The following FER variants were observed in gnomAD, a reference collection of about 807,000 sequenced individuals.
FER encodes the protein FER tyrosine kinase, also known as tyrosine-protein kinase Fer.
In FER, 63 loss-of-function variants were observed where a neutral mutation model predicts 111.0. The ratio of observed to expected loss-of-function variants is 0.57; its 90% CI spans 0.46 to 0.70. The LOEUF (loss-of-function observed/expected upper bound fraction) is 0.70, where lower values mean the gene tolerates loss of function less well. Ranked by LOEUF, FER falls within the 30% of genes least tolerant of loss-of-function variation. The pLI is 0.00. For missense variants in FER, 914 were observed against 954.0 expected (o/e 0.96, Z 0.55); for synonymous variants, 327 against 313.9 (o/e 1.04, Z -0.44).
intron 5 of FER, among the ~76,000 whole-genome samples, chr5:108,845,037 TATAC>T (rs1561503193): frequency 3.3e-4 from 18 of 54,208 alleles, no homozygotes; most frequent in Admixed American, 4.8e-4. Context: ...TATATATATA[TATAC>T]ATATATATAT....
intron 1 of FER, among the ~76,000 whole-genome samples, chr5:108,754,752 G>T (rs1035567046): frequency 6.6e-6 from 1 of 152,116 alleles, no homozygotes; most frequent in Non-Finnish European, 1.5e-5. Flanking sequence ...TTGCAAAAAG[G>T]CTATTTCTAT....
intron 17 of FER, among the ~76,000 whole-genome samples, chr5:109,156,883 G>A (rs1284712832): frequency 1.3e-5 from 2 of 152,162 alleles, no homozygotes; most frequent in Non-Finnish European, 2.9e-5. Flanking sequence ...GGCCAAGAAA[G>A]GAGGTGAAGT....
At chr5:108,756,273 T>C (rs1409997972) in intron 1 of FER, among the ~76,000 whole-genome samples, 6 of 152,052 alleles carry the variant, frequency 3.9e-5, no homozygotes, top group African/African-American at 1.4e-4. Flanking sequence ...TACGTTCTTA[T>C]ATAGGTTAAC....
intron 14 of FER, among the ~76,000 whole-genome samples, chr5:109,042,509 A>C (rs1247627434): frequency 6.6e-6 from 1 of 152,124 alleles, no homozygotes; most frequent in Non-Finnish European, 1.5e-5. Context: ...TCAGTGTCTG[A>C]AGACTGTCCC....
intron 16 of FER, among the ~76,000 whole-genome samples, chr5:109,072,505 GA>G: frequency 6.6e-6 from 1 of 151,768 alleles, no homozygotes; most frequent in Non-Finnish European, 1.5e-5. Context: ...TTGTTACAAC[GA>G]AAAATAAATG....
At chr5:109,067,624 T>C (rs1775269288) in intron 16 of FER, among the ~76,000 whole-genome samples, 2 of 152,156 alleles carry the variant, frequency 1.3e-5, no homozygotes, top group East Asian at 1.9e-4. Flanking sequence ...TATCTGTTCC[T>C]CCTTGATAAT....
chr5:108,948,216 A>T (rs535280457), intron 11 of FER, among the ~76,000 whole-genome samples: 1 of 152,090 alleles, frequency 6.6e-6, no homozygotes, highest in Non-Finnish European at 1.5e-5. Flanking sequence ...TTTTAACAGT[A>T]TCTTTAAAAT....
chr5:108,915,387 G>A (rs1386191214), intron 10 of FER, among the ~76,000 whole-genome samples: 5 of 152,062 alleles, frequency 3.3e-5, no homozygotes, highest in South Asian at 2.1e-4. Flanking sequence ...CAGGAGAAAC[G>A]CTTGAACCCA....
chr5:108,805,421 TG>T (rs796137917), intron 3 of FER, among the ~76,000 whole-genome samples: 27 of 151,978 alleles, frequency 1.8e-4, no homozygotes, highest in African/African-American at 5.6e-4. Flanking sequence ...ACCAGTAGAG[TG>T]GGGCGTTGCT....
intron 3 of FER, among the ~76,000 whole-genome samples, chr5:108,832,441 A>T (rs4361568): frequency 6.6e-6 from 1 of 152,000 alleles, no homozygotes; most frequent in East Asian, 1.9e-4. Flanking sequence ...CATTAGAATC[A>T]TGTGGCAGAG....
In FER at chr5:109,047,093, A is replaced by G. The variant is rs113469960; in HGVS notation, c.1830-11A>G. On this transcript the variant is annotated splice_polypyrimidine_tract_variant and intron_variant, in intron 15 of 19. Coordinates refer to ENST00000281092, the MANE Select transcript of FER (RefSeq NM_005246.4). The stretch of plus-strand genomic sequence containing the variant: ...AAATGATAACTATTCGTATATTTTC[A>G]TCTCATCTAGAATTCTCAAGCAATA... 1.4e-6 allele frequency: 2 copies of G among 1,419,452 alleles called. No individual in the cohort carries two copies. Among genetic ancestry groups the G allele is most frequent in the Non-Finnish European group, 2.0e-6 (2 of 1,018,582 alleles). The allele number at this position is 1,419,452 out of a possible 1,614,324, so 87.9% of individuals were successfully genotyped here.
chr5:109,095,512 C>G (rs1294426221), intron 16 of FER, among the ~76,000 whole-genome samples: 1 of 152,046 alleles, frequency 6.6e-6, no homozygotes, highest in African/African-American at 2.4e-5. Flanking sequence ...TAAATATACC[C>G]TATATGTAGC....
intron 17 of FER, among the ~76,000 whole-genome samples, chr5:109,105,816 G>T (rs1284369277): frequency 6.6e-6 from 1 of 152,224 alleles, no homozygotes; most frequent in Non-Finnish European, 1.5e-5. Flanking sequence ...TGCTTTAGAT[G>T]CAATGTCTGA....
intron 13 of FER, among the ~76,000 whole-genome samples, chr5:108,983,379 C>G (rs1252172677): frequency 6.6e-6 from 1 of 152,010 alleles, no homozygotes; most frequent in African/African-American, 2.4e-5. Flanking sequence ...CTGTATGCTT[C>G]CTTAAAATGC....
intron 17 of FER, among the ~76,000 whole-genome samples, chr5:109,152,235 C>A (rs1025611903): frequency 2.0e-4 from 30 of 152,000 alleles, no homozygotes; most frequent in African/African-American, 6.8e-4. Flanking sequence ...GCTATATCAT[C>A]AGCTAGCTCC....
intron 10 of FER, among the ~76,000 whole-genome samples, chr5:108,928,121 T>C (rs548707943): frequency 8.1e-4 from 124 of 152,346 alleles, no homozygotes; most frequent in African/African-American, 3.0e-3. Flanking sequence ...CTAGTTTGAT[T>C]GCTGTAGTTT....
intron 2 of FER, among the ~76,000 whole-genome samples, chr5:108,773,852 C>T (rs1373550464): frequency 6.6e-6 from 1 of 152,180 alleles, no homozygotes; most frequent in African/African-American, 2.4e-5. Context: ...ACCTCACCAA[C>T]ATCTGTTGGT....
chr5:109,025,424 C>A (rs937586997), intron 13 of FER, among the ~76,000 whole-genome samples: 8 of 152,018 alleles, frequency 5.3e-5, no homozygotes, highest in Non-Finnish European at 1.0e-4. Flanking sequence ...CTCTGTTTGT[C>A]TGTTGTTGGT....
At chr5:108,984,360 A>C (rs549160204) in intron 13 of FER, among the ~76,000 whole-genome samples, 3 of 152,270 alleles carry the variant, frequency 2.0e-5, no homozygotes, top group African/African-American at 7.2e-5. Context: ...ATATAAATAT[A>C]AAAATTGTAT....
Sources: allele counts gnomAD v4.1 joint callset (sites outside exome capture counted in the v4.1 genomes callset), GRCh38; gene constraint gnomAD v4.1.1; transcripts MANE v1.5; gene names NCBI Gene and HGNC (gene_info 2026-07-23, HGNC 2026-07-21).